NTM: variants seen among roughly 807,000 people sequenced by gnomAD.
The protein encoded by NTM is neurotrimin, also known as IgLON family member 2.
A neutral mutation model predicts 42.1 loss-of-function variants in NTM; 13 were observed. The observed-to-expected ratio is 0.31, with a 90% CI of 0.20 to 0.49. NTM has a LOEUF of 0.49. NTM is among the 20% of genes least tolerant of loss of function. The probability of loss-of-function intolerance (pLI) is 0.99; values close to 1 mark genes in which losing one functional copy is unlikely to be tolerated. For missense variants in NTM, 373 were observed against 452.8 expected (o/e 0.82, Z 1.60); for synonymous variants, 187 against 179.2 (o/e 1.04, Z -0.35).
chr11:132,032,519 T>C (rs1303645206), intron 2 of NTM, among the ~76,000 whole-genome samples: 2 of 152,126 alleles, frequency 1.3e-5, no homozygotes, highest in Non-Finnish European at 2.9e-5. Context: ...AATTTCAACA[T>C]ATCCAAAATG....
intron 1 of NTM, among the ~76,000 whole-genome samples, chr11:131,607,363 G>C (rs959817477): frequency 1.3e-5 from 2 of 152,124 alleles, no homozygotes; most frequent in African/African-American, 2.4e-5. Flanking sequence ...GCTGTGTTTT[G>C]TTTGTTTGTT....
chr11:131,437,626 TC>T (rs1157087171), intron 1 of NTM, among the ~76,000 whole-genome samples: 1 of 152,240 alleles, frequency 6.6e-6, no homozygotes, highest in African/African-American at 2.4e-5. Context: ...TTATTTGCTT[TC>T]CATTTGCTTG....
At chr11:131,903,044 A>G (rs987588378) in intron 1 of NTM, among the ~76,000 whole-genome samples, 4 of 152,180 alleles carry the variant, frequency 2.6e-5, no homozygotes, top group African/African-American at 9.7e-5. Flanking sequence ...AACAAACACT[A>G]ACAGAAAGGA....
At chr11:132,032,283 C>A (rs2018361) in intron 2 of NTM, among the ~76,000 whole-genome samples, 55,225 of 152,030 alleles carry the variant, frequency 0.36, 11,344 homozygotes, top group East Asian at 0.82. Flanking sequence ...TCTCCTTGTG[C>A]ATGCTTTCTC....
intron 1 of NTM, among the ~76,000 whole-genome samples, chr11:131,395,528 C>A (rs57328473): frequency 0.28 from 42,397 of 151,918 alleles, 6,198 homozygotes; most frequent in Middle Eastern, 0.41. Flanking sequence ...TTCCATTAAG[C>A]AGGAGAACTC....
chr11:132,085,025 A>G (rs978384111), intron 2 of NTM, among the ~76,000 whole-genome samples: 3 of 152,200 alleles, frequency 2.0e-5, no homozygotes, highest in African/African-American at 4.8e-5. Context: ...TTTTATTTCA[A>G]TGCTCAATTT....
At position 132,240,125 on chromosome 11, in the gene NTM, T is replaced by C. The variant is rs574805967; in HGVS notation, c.526+27978T>C. 2.6e-5 allele frequency among the ~76,000 whole-genome samples: 4 copies of C among 152,326 alleles called. No homozygotes were observed. In the East Asian group the frequency reaches 7.7e-4, roughly 29 times the overall value. On this transcript the variant is annotated intron_variant, in intron 4 of 8. Coordinates refer to ENST00000683400, the MANE Select transcript of NTM (RefSeq NM_001352005.2). ...CATTTGCTTAGCATCTGCTAGGTTC[T>C]GGTAAAGCTGGAAAAACAAGTAAAA... is the stretch of plus-strand genomic sequence containing the variant.
intron 2 of NTM, among the ~76,000 whole-genome samples, chr11:132,087,316 G>T (rs1470637750): frequency 1.3e-5 from 2 of 152,088 alleles, no homozygotes; most frequent in Non-Finnish European, 2.9e-5. Flanking sequence ...CCTCATTTAT[G>T]CCATGGATAC....
chr11:131,624,972 T>C (rs1343396110), intron 1 of NTM, among the ~76,000 whole-genome samples: 2 of 152,172 alleles, frequency 1.3e-5, no homozygotes, highest in Non-Finnish European at 2.9e-5. Context: ...TTATCAATGA[T>C]TCCAAGTACT....
intron 1 of NTM, among the ~76,000 whole-genome samples, chr11:131,750,531 A>G (rs890385622): frequency 6.6e-6 from 1 of 152,208 alleles, no homozygotes; most frequent in South Asian, 2.1e-4. Flanking sequence ...CTCAAGCCAG[A>G]GACCAAGTGG....
intron 2 of NTM, among the ~76,000 whole-genome samples, chr11:132,119,053 C>T (rs1011238438): frequency 3.3e-5 from 5 of 152,284 alleles, no homozygotes; most frequent in East Asian, 1.9e-4. Flanking sequence ...AAGATGTTCT[C>T]TCATCCATGG....
chr11:132,227,669 C>T (rs3133890), intron 4 of NTM, among the ~76,000 whole-genome samples: 53,733 of 151,988 alleles, frequency 0.35, 10,091 homozygotes, highest in Middle Eastern at 0.53. Flanking sequence ...TTTTGATCTT[C>T]AGCCAAATGA....
chr11:131,663,310 T>G (rs932016587), intron 1 of NTM: 2 of 152,108 alleles, frequency 1.3e-5, no homozygotes, highest in African/African-American at 4.8e-5. Flanking sequence ...CCCGTCGCTG[T>G]GTTTAACTTC....
intron 1 of NTM, among the ~76,000 whole-genome samples, chr11:131,375,169 G>T (rs755398673): frequency 6.6e-6 from 1 of 152,120 alleles, no homozygotes; most frequent in Non-Finnish European, 1.5e-5. Context: ...GTTTTCTGTA[G>T]GGAAAAATCT....
At chr11:131,720,557 A>G (rs2078211324) in intron 1 of NTM, among the ~76,000 whole-genome samples, 1 of 152,228 alleles carries the variant, frequency 6.6e-6, no homozygotes, top group African/African-American at 2.4e-5. Context: ...TTCTTACTCC[A>G]ATAAAACTGC....
intron 4 of NTM, among the ~76,000 whole-genome samples, chr11:132,288,192 T>C (rs780983538): frequency 6.6e-6 from 1 of 152,144 alleles, no homozygotes; most frequent in Non-Finnish European, 1.5e-5. Context: ...GTGCAGAATA[T>C]GATTCTTAGT....
intron 2 of NTM, among the ~76,000 whole-genome samples, chr11:132,038,249 C>G (rs2076747109): frequency 6.6e-6 from 1 of 152,232 alleles, no homozygotes; most frequent in African/African-American, 2.4e-5. Flanking sequence ...CTTGATCAAT[C>G]CACCTTTCTT....
intron 2 of NTM, among the ~76,000 whole-genome samples, chr11:132,066,726 G>A (rs1363288068): frequency 2.0e-5 from 3 of 152,024 alleles, no homozygotes; most frequent in African/African-American, 7.2e-5. Context: ...TATTCACATT[G>A]CTTTCTCTTC....
intron 3 of NTM, among the ~76,000 whole-genome samples, chr11:132,177,563 G>T (rs2077000213): frequency 6.6e-6 from 1 of 152,136 alleles, no homozygotes; most frequent in East Asian, 1.9e-4. Flanking sequence ...CAAATCAGAT[G>T]AAATACATAA....
Sources: gnomAD v4.1 joint callset for allele counts (sites outside exome capture counted in the v4.1 genomes callset) on GRCh38, gnomAD v4.1.1 for gene constraint, MANE v1.5 for transcripts, NCBI Gene and HGNC (gene_info 2026-07-23, HGNC 2026-07-21) for gene names.